HEPH: variants seen among roughly 807,000 people sequenced by gnomAD.
HEPH encodes hephaestin.
In HEPH, 69 loss-of-function variants were observed where a neutral mutation model predicts 80.8. The observed-to-expected ratio is 0.85, with a 90% CI of 0.70 to 1.04. The LOEUF is 1.04. Among genes scored for constraint, HEPH ranks in the 50% least tolerant of loss-of-function variants. The pLI is 0.00. For synonymous variants in HEPH, 431 were observed against 322.8 expected (o/e 1.34, Z -3.60); for missense variants, 1,115 against 891.3 (o/e 1.25, Z -3.20).
chrX:66,244,659 C>A (rs2090733126), intron 15 of HEPH, among the ~76,000 whole-genome samples: 1 of 111,200 alleles, frequency 9.0e-6, no homozygotes, highest in South Asian at 3.7e-4. Context: ...TGACATTTTA[C>A]CCATTTCAGC....
Position 66,193,527 on chromosome X carries a change from A to T in HEPH, c.1258A>T (p.Ser420Cys), listed in dbSNP as rs1569312375. The change falls in exon 8 of 21, where the codon AGC becomes TGC. Residue 420 changes from serine (S) to cysteine (C), a missense_variant. Ser to Cys is a moderately radical substitution (Grantham distance 112, BLOSUM62 -1). Coordinates refer to ENST00000343002, the MANE Select transcript of HEPH (RefSeq NM_001367233.3). ...GSISDKFFQK[S>C]SSRIGGTYWK... is the part of the protein sequence containing the mutation. ...TATCTCAGATAAGTTTTTCCAGAAG[A>T]GCTCCAGCCGAATTGGGGGCACTTA... The T allele has an allele frequency of 8.4e-7, 1 of 1,186,565 alleles. No homozygotes were observed. Among genetic ancestry groups the T allele is most frequent in the Non-Finnish European group, 1.1e-6 (1 of 879,680 alleles).
At chrX:66,221,908 T>C (rs746606422) in intron 15 of HEPH, among the ~76,000 whole-genome samples, 1 of 112,237 alleles carries the variant, frequency 8.9e-6, no homozygotes, top group East Asian at 2.8e-4. Flanking sequence ...GATGTGAGAG[T>C]CAAAAGACCC....
chrX:66,212,815 C>T (rs1265123199), intron 15 of HEPH, among the ~76,000 whole-genome samples: 1 of 109,761 alleles, frequency 9.1e-6, no homozygotes, highest in South Asian at 3.8e-4. Context: ...TATTTGGGCT[C>T]TTTTTTGGTG....
chrX:66,176,376 A>G (rs2086802395), intron 4 of HEPH, among the ~76,000 whole-genome samples: 1 of 111,886 alleles, frequency 8.9e-6, no homozygotes, highest in African/African-American at 3.2e-5. Context: ...AGTGAGTATG[A>G]AACCCACTTG....
At chrX:66,231,041 C>T (rs1487685295) in intron 15 of HEPH, among the ~76,000 whole-genome samples, 6 of 108,307 alleles carry the variant, frequency 5.5e-5, no homozygotes, top group East Asian at 3.0e-4. Flanking sequence ...GGAATCCTTT[C>T]CCCATTGCTT....
At chrX:66,243,432 C>CT (rs1406077172) in intron 15 of HEPH, among the ~76,000 whole-genome samples, 2 of 112,211 alleles carry the variant, frequency 1.8e-5, no homozygotes, top group African/African-American at 6.5e-5. Flanking sequence ...TCTTCTTTGT[C>CT]TTTTTTTGAT....
intron 14 of HEPH, 94 bp downstream of exon 14, chrX:66,207,428 C>A: frequency 1.6e-6 from 1 of 631,520 alleles, no homozygotes; most frequent in Non-Finnish European, 2.2e-6. Context: ...ATTCCCCATT[C>A]TCAATGTTTT....
At chrX:66,178,221 T>A (rs1450580657) in intron 4 of HEPH, among the ~76,000 whole-genome samples, 1 of 111,737 alleles carries the variant, frequency 8.9e-6, no homozygotes, top group Non-Finnish European at 1.9e-5. Context: ...TGCAATAGTT[T>A]GCTAAGAATG....
intron 15 of HEPH, among the ~76,000 whole-genome samples, chrX:66,242,060 A>G (rs1226336217): frequency 9.3e-6 from 1 of 107,415 alleles, no homozygotes; most frequent in Non-Finnish European, 1.9e-5. Flanking sequence ...AGTAGGCAAG[A>G]CAATCCTAAG....
chrX:66,255,001 C>A, intron 15 of HEPH, 34 bp from the exon 16 acceptor site: 1 of 1,035,764 alleles, frequency 9.7e-7, no homozygotes, highest in Non-Finnish European at 1.3e-6. Context: ...ATTTCTGACC[C>A]GGTGCAACTG....
chrX:66,195,109 C>T lies in HEPH; in HGVS notation c.1381C>T (p.Arg461Trp), dbSNP rs763299199. 3.4e-6 allele frequency: 4 copies of T among 1,183,509 alleles called. No homozygotes were observed. Among genetic ancestry groups the T allele is most frequent in the East Asian group, 3.1e-5 (1 of 32,209 alleles). ...RHLGILGPVI[R>W]AEVGDTIQVV... ...TTCCCATTTTCCAGGGCCAGTGATC[C>T]GGGCTGAGGTGGGTGACACCATTCA... Residue 461 changes from arginine to tryptophan, a missense_variant, in exon 9 of 21, where the codon CGG becomes TGG. This residue lies in a region of HEPH where 8 missense variants were observed against 24.2 expected (regional missense o/e 0.33). Transcript: ENST00000343002.
chrX:66,199,810 C>T (rs753209814), intron 11 of HEPH, among the ~76,000 whole-genome samples: 9 of 111,474 alleles, frequency 8.1e-5, no homozygotes, highest in Admixed American at 1.9e-4. Flanking sequence ...TAGAAAGAGA[C>T]CATAAGGGAA....
At chrX:66,262,967 G>A (rs1206293075) in intron 19 of HEPH, among the ~76,000 whole-genome samples, 3 of 111,068 alleles carry the variant, frequency 2.7e-5, no homozygotes, top group Non-Finnish European at 3.8e-5. Context: ...CAAAGTTATT[G>A]GAGTTAAAAG....
intron 15 of HEPH, among the ~76,000 whole-genome samples, chrX:66,222,854 C>T (rs1277462859): frequency 8.9e-6 from 1 of 111,976 alleles, no homozygotes; most frequent in Non-Finnish European, 1.9e-5. Context: ...GAGGCAAAAT[C>T]GACTTGGTTA....
chrX:66,209,725 T>A (rs746929100), intron 15 of HEPH, among the ~76,000 whole-genome samples: 2 of 112,064 alleles, frequency 1.8e-5, no homozygotes, highest in African/African-American at 6.5e-5. Flanking sequence ...GAAAGATTCT[T>A]AAATAATACC....
At chrX:66,202,143 A>T (rs773104255) in intron 12 of HEPH, among the ~76,000 whole-genome samples, 7 of 111,984 alleles carry the variant, frequency 6.3e-5, no homozygotes, top group South Asian at 3.8e-4. Context: ...TGAGTCTTGG[A>T]TAATGAGTGG....
At chrX:66,179,296 T>C (rs764039089) in intron 4 of HEPH, among the ~76,000 whole-genome samples, 3 of 111,785 alleles carry the variant, frequency 2.7e-5, no homozygotes, top group South Asian at 3.7e-4. Context: ...TTGTTTTTCA[T>C]TGGTCTATAT....
chrX:66,266,295 C>G (rs2091533408), intron 20 of HEPH, 145 bp from the exon 21 acceptor site: 1 of 458,386 alleles, frequency 2.2e-6, no homozygotes, highest in Non-Finnish European at 3.8e-6. Context: ...CTAAATCTGT[C>G]TTCATCAGCT....
chrX:66,247,415 T>A (rs200848585), intron 15 of HEPH, among the ~76,000 whole-genome samples: 2 of 108,722 alleles, frequency 1.8e-5, no homozygotes, highest in East Asian at 5.7e-4. Flanking sequence ...CATCAAGTTA[T>A]CTGATTCTGC....
Sources: allele counts gnomAD v4.1 joint callset (sites outside exome capture counted in the v4.1 genomes callset), GRCh38; gene constraint gnomAD v4.1.1; regional missense constraint gnomAD v4.1.1; transcripts MANE v1.5; gene names NCBI Gene and HGNC (gene_info 2026-07-23, HGNC 2026-07-21).